Variants in DNAJC12 observed in about 807,000 individuals in gnomAD.
The protein encoded by DNAJC12 is dnaJ homolog subfamily C member 12.
Under a neutral mutation model 28.5 loss-of-function variants are expected in DNAJC12, and 25 were observed. That is an observed-to-expected ratio of 0.88 (90% CI 0.64 to 1.22). DNAJC12 has a LOEUF of 1.22. Among genes scored for constraint, DNAJC12 ranks in the 50% most tolerant of loss-of-function variants. The pLI is 0.00. For missense variants in DNAJC12, 222 were observed against 231.7 expected (o/e 0.96, Z 0.27); for synonymous variants, 77 against 80.6 (o/e 0.95, Z 0.24).
chr10:67,813,822 A>G (rs1372805965), intron 2 of DNAJC12, among the ~76,000 whole-genome samples: 2 of 151,830 alleles, frequency 1.3e-5, no homozygotes, highest in African/African-American at 4.8e-5. Flanking sequence ...AAAAGAAGGA[A>G]CTACACAATA....
chr10:67,805,385 T>A (rs527791251), intron 4 of DNAJC12, among the ~76,000 whole-genome samples, 198 bp downstream of exon 4: 17 of 152,218 alleles, frequency 1.1e-4, no homozygotes, highest in Non-Finnish European at 1.9e-4. Context: ...CCAAAGACAC[T>A]GAGAATTGTC....
At position 67,829,892 on chromosome 10, in the gene DNAJC12, ATG is replaced by A. The variant is rs150859410; in HGVS notation, c.79-6502_79-6501del. On this transcript the variant is annotated intron_variant, in intron 1 of 4. Coordinates refer to ENST00000225171, the MANE Select transcript of DNAJC12 (RefSeq NM_021800.3). ...ATATTTCTATGAGAAAAGGTAAGATATGTGCAATATATTATGTTATACTGCAT... is the reference window on the plus strand; with the variant it reads ...ATATTTCTATGAGAAAAGGTAAGATATGCAATATATTATGTTATACTGCAT... Among the ~76,000 whole-genome samples the A allele has an allele frequency of 5.2e-3, 785 of 152,236 alleles. 8 individuals carry two copies. The highest frequency in any genetic ancestry group is 0.017 in the African/African-American group (719 of 41,566).
Position 67,819,658 on chromosome 10 carries a change from A to G in DNAJC12, c.157+3656T>C, listed in dbSNP as rs534822869. Among the ~76,000 whole-genome samples the G allele has an allele frequency of 2.2e-3, 168 of 76,458 alleles. 4 individuals are homozygous for G. The highest frequency in any genetic ancestry group is 6.6e-3 in the African/African-American group (119 of 18,128). 50.2% of individuals were successfully genotyped at this position (76,458 alleles called of 152,430 possible). The stretch of plus-strand genomic sequence containing the variant: ...TCACAAAAAAAGAAAGAAAGAAAGA[A>G]AGAGAAAGAAAGAAAGAAAGAAAGA... On this transcript the variant is annotated intron_variant, in intron 2 of 4. Coordinates refer to ENST00000225171, the MANE Select transcript of DNAJC12 (RefSeq NM_021800.3).
intron 1 of DNAJC12, among the ~76,000 whole-genome samples, chr10:67,825,004 G>C (rs1842016084): frequency 6.6e-6 from 1 of 152,136 alleles, no homozygotes; most frequent in East Asian, 1.9e-4. Context: ...CAAAGTGCTG[G>C]AATTATAGGC....
intron 3 of DNAJC12, among the ~76,000 whole-genome samples, chr10:67,806,187 A>T (rs187070749): frequency 1.4e-4 from 21 of 152,336 alleles, no homozygotes; most frequent in Middle Eastern, 3.4e-3. Context: ...AAAATAATGC[A>T]TAACTATTTC....
At chr10:67,828,501 G>A (rs1842059485) in intron 1 of DNAJC12, among the ~76,000 whole-genome samples, 1 of 152,030 alleles carries the variant, frequency 6.6e-6, no homozygotes, top group African/African-American at 2.4e-5. Context: ...TCGAATAATA[G>A]GAAAAGATGA....
At position 67,837,889 on chromosome 10, in the gene DNAJC12, T is replaced by G. The variant is rs780006576; in HGVS notation, c.78+45A>C. On this transcript the variant is annotated intron_variant, in intron 1 of 4. Transcript: ENST00000225171. ...TAAATAAAAACTTGAAATACTATTG[T>G]GAAAAAGAATACTGTTGTGATAAAA... is the stretch of plus-strand genomic sequence containing the variant. 1.3e-5 allele frequency: 18 copies of G among 1,392,802 alleles called. 1 individual carries two copies. In the South Asian group the frequency reaches 2.2e-4, roughly 17 times the overall value. 86.3% of individuals were successfully genotyped at this position (1,392,802 alleles called of 1,614,324 possible).
intron 3 of DNAJC12, among the ~76,000 whole-genome samples, chr10:67,809,220 T>C (rs748022655): frequency 6.6e-6 from 1 of 152,126 alleles, no homozygotes; most frequent in Non-Finnish European, 1.5e-5. Context: ...CTTTTTCCCA[T>C]AGGCATCCTA....
At chr10:67,834,263 T>G (rs1842121926) in intron 1 of DNAJC12, among the ~76,000 whole-genome samples, 1 of 152,198 alleles carries the variant, frequency 6.6e-6, no homozygotes, top group Non-Finnish European at 1.5e-5. Context: ...ATAGGAACTC[T>G]GTTGTACTAT....
Position 67,815,524 on chromosome 10 carries a change from A to G in DNAJC12, c.158-3861T>C, listed in dbSNP as rs199971541. Among the ~76,000 whole-genome samples, 34 of 150,274 alleles carry G rather than the reference A, an allele frequency of 2.3e-4. No homozygotes were observed. The South Asian group carries it at 3.0e-3, about 13-fold the overall frequency. ...ACTTCGTCTCAAAAAAAAAAAAAAAAAAAGAAAAGAAAAAAAAAGATGGGG... is the reference window on the plus strand; with the variant it reads ...ACTTCGTCTCAAAAAAAAAAAAAAAGAAAGAAAAGAAAAAAAAAGATGGGG... On this transcript the variant is annotated intron_variant, in intron 2 of 4. Transcript: ENST00000225171.
intron 1 of DNAJC12, among the ~76,000 whole-genome samples, chr10:67,830,633 A>C (rs1842084469): frequency 6.6e-6 from 1 of 151,110 alleles, no homozygotes; most frequent in Admixed American, 6.6e-5. Context: ...AAATAAATAA[A>C]TAAATAAATA....
At chr10:67,822,269 T>C (rs979991702) in intron 2 of DNAJC12, among the ~76,000 whole-genome samples, 1 of 152,138 alleles carries the variant, frequency 6.6e-6, no homozygotes, top group African/African-American at 2.4e-5. Context: ...GAGTGCATAG[T>C]ATCCTGACAG....
At chr10:67,835,525 A>G (rs1321408729) in intron 1 of DNAJC12, among the ~76,000 whole-genome samples, 1 of 152,110 alleles carries the variant, frequency 6.6e-6, no homozygotes, top group Non-Finnish European at 1.5e-5. Context: ...CCCCGTCTCT[A>G]CTAAAAATAC....
intron 4 of DNAJC12, among the ~76,000 whole-genome samples, chr10:67,802,952 C>T (rs941287381): frequency 6.6e-6 from 1 of 151,480 alleles, no homozygotes; most frequent in Non-Finnish European, 1.5e-5. Context: ...CCCCCCCACA[C>T]ACACACCCGG....
intron 1 of DNAJC12, among the ~76,000 whole-genome samples, chr10:67,835,716 T>TCACACACACA (rs1842135770): frequency 2.0e-4 from 11 of 54,902 alleles, no homozygotes; most frequent in African/African-American, 8.6e-4. Flanking sequence ...AGAGAAAAAA[T>TCACACACACA]GACACACACA....
intron 2 of DNAJC12, among the ~76,000 whole-genome samples, chr10:67,822,858 G>C (rs1354902020): frequency 6.6e-6 from 1 of 152,012 alleles, no homozygotes; most frequent in African/African-American, 2.4e-5. Flanking sequence ...AGCTGGGCAT[G>C]GTGGTGCACG....
At chr10:67,834,526 G>A (rs1252416452) in intron 1 of DNAJC12, among the ~76,000 whole-genome samples, 1 of 152,096 alleles carries the variant, frequency 6.6e-6, no homozygotes, top group Non-Finnish European at 1.5e-5. Context: ...CCATTTACAG[G>A]TTAGAAAACT....
intron 2 of DNAJC12, among the ~76,000 whole-genome samples, chr10:67,814,937 G>C (rs1048162385): frequency 6.6e-6 from 1 of 152,178 alleles, no homozygotes; most frequent in Non-Finnish European, 1.5e-5. Context: ...TTGAAAAGTA[G>C]TTTGGCTGTT....
chr10:67,815,503 C>T (rs766380734), intron 2 of DNAJC12, among the ~76,000 whole-genome samples: 377 of 92,310 alleles, frequency 4.1e-3, no homozygotes, highest in Non-Finnish European at 5.2e-3. Context: ...AACAATACTT[C>T]GTCTCAAAAA....
Sources: allele counts gnomAD v4.1 joint callset (sites outside exome capture counted in the v4.1 genomes callset), GRCh38; gene constraint gnomAD v4.1.1; transcripts MANE v1.5; gene names NCBI Gene and HGNC (gene_info 2026-07-23, HGNC 2026-07-21).